PDZRN4: variants seen among roughly 807,000 people sequenced by gnomAD.
The protein encoded by PDZRN4 is PDZ domain containing ring finger 4.
PDZRN4 carries 70 observed loss-of-function variants against 99.0 expected under a neutral mutation model. That is an observed-to-expected ratio of 0.71 (90% confidence interval 0.58 to 0.86). PDZRN4 has a LOEUF of 0.86. Ranked by LOEUF, PDZRN4 falls within the 40% of genes least tolerant of loss-of-function variation. PDZRN4 has a pLI of 0.00. For missense variants in PDZRN4, 1,474 were observed against 1,331.2 expected, an observed-to-expected ratio of 1.11 and a Z score of -1.67; for synonymous variants, 551 against 501.6, an observed-to-expected ratio of 1.10 and a Z score of -1.32.
At chr12:41,316,528 T>A (rs1160202927) in intron 3 of PDZRN4, among the ~76,000 whole-genome samples, 1 of 151,244 alleles carries the variant, frequency 6.6e-6, no homozygotes, top group Non-Finnish European at 1.5e-5. Context: ...GGACAATGAA[T>A]TTCCTACAAG....
chr12:41,188,741 G>A lies in PDZRN4; in HGVS notation c.286G>A (p.Glu96Lys), dbSNP rs1283658783. 2 of 1,515,070 alleles carry A rather than the reference G, an allele frequency of 1.3e-6. No homozygotes were observed. The highest frequency in any genetic ancestry group is 1.8e-6 in the Non-Finnish European group (2 of 1,141,594). The allele number at this position is 1,515,070 out of a possible 1,614,324, so 93.9% of individuals were successfully genotyped here. Reference sequence around the variant, plus strand: ...CTGCGGCCACTCGGTCAGGCTGCACGAGCTGGAGGCGCACGTCGAGCACTG... The same window carrying A: ...CTGCGGCCACTCGGTCAGGCTGCACAAGCTGGAGGCGCACGTCGAGCACTG... ...RGCGHSVRLH[E>K]LEAHVEHCDF... Residue 96 changes from glutamate to lysine, a missense_variant, in exon 1 of 10, where the codon GAG becomes AAG. Transcript: ENST00000402685.
intron 3 of PDZRN4, among the ~76,000 whole-genome samples, chr12:41,302,950 ACACACACACACACT>A (rs1951546039): frequency 7.7e-6 from 1 of 130,152 alleles, no homozygotes; most frequent in Non-Finnish European, 1.8e-5. Flanking sequence ...ACACACACAC[ACACACACACACACT>A]CACACACACA....
intron 3 of PDZRN4, among the ~76,000 whole-genome samples, chr12:41,454,502 C>T (rs188829637): frequency 9.9e-4 from 150 of 152,270 alleles, no homozygotes; most frequent in African/African-American, 3.5e-3. Flanking sequence ...AGACTAGTTA[C>T]TTTGGTCTGT....
intron 8 of PDZRN4, among the ~76,000 whole-genome samples, chr12:41,564,394 T>A (rs1396171405): frequency 6.6e-6 from 1 of 152,188 alleles, no homozygotes; most frequent in Non-Finnish European, 1.5e-5. Flanking sequence ...ATATCCTTTT[T>A]ATCTCCCATC....
intron 3 of PDZRN4, among the ~76,000 whole-genome samples, chr12:41,263,855 A>G (rs937783824): frequency 6.6e-6 from 1 of 152,196 alleles, no homozygotes; most frequent in African/African-American, 2.4e-5. Context: ...ACCTTAAAAT[A>G]CAAGAAGGAG....
chr12:41,351,844 T>C (rs1951892238), intron 3 of PDZRN4, among the ~76,000 whole-genome samples: 1 of 151,872 alleles, frequency 6.6e-6, no homozygotes, highest in Non-Finnish European at 1.5e-5. Context: ...GAAGTATTTT[T>C]AAAAATCTCA....
chr12:41,229,610 C>T (rs1488197242), intron 3 of PDZRN4, among the ~76,000 whole-genome samples: 1 of 152,056 alleles, frequency 6.6e-6, no homozygotes, highest in African/African-American at 2.4e-5. Context: ...TATCTGCTTT[C>T]CTTGAGTTTC....
intron 3 of PDZRN4, among the ~76,000 whole-genome samples, chr12:41,419,767 T>A (rs1315641292): frequency 6.6e-6 from 1 of 152,158 alleles, no homozygotes; most frequent in African/African-American, 2.4e-5. Flanking sequence ...TCGGTTCAAA[T>A]TGTAATTTTA....
chr12:41,247,514 G>T (rs543597209), intron 3 of PDZRN4, among the ~76,000 whole-genome samples: 1 of 152,126 alleles, frequency 6.6e-6, no homozygotes, highest in African/African-American at 2.4e-5. Context: ...AATGTTTTAT[G>T]TGATGAACAA....
At position 41,360,562 on chromosome 12, in the gene PDZRN4, G is replaced by A. The variant is rs187561581; in HGVS notation, c.844-145894G>A. On this transcript the variant is annotated intron_variant, in intron 3 of 9. Coordinates refer to ENST00000402685, the MANE Select transcript of PDZRN4 (RefSeq NM_001164595.2). ...AGGCAGAAACCTACTGGTTTAGAATGACCACAACCTATGCTATAGAAATTA... is the reference window on the plus strand; with the variant it reads ...AGGCAGAAACCTACTGGTTTAGAATAACCACAACCTATGCTATAGAAATTA... Among the ~76,000 whole-genome samples the A allele has an allele frequency of 4.1e-3, 621 of 152,038 alleles. 2 individuals are homozygous for A. Among genetic ancestry groups the A allele is most frequent in the Non-Finnish European group, 6.6e-3 (450 of 67,932 alleles).
chr12:41,503,350 T>A (rs1938143302), intron 3 of PDZRN4, among the ~76,000 whole-genome samples: 1 of 152,090 alleles, frequency 6.6e-6, no homozygotes. Context: ...ATTTGATTGT[T>A]CTTAGAGAAA....
intron 3 of PDZRN4, among the ~76,000 whole-genome samples, chr12:41,433,461 C>T (rs1380934338): frequency 6.6e-6 from 1 of 152,156 alleles, no homozygotes; most frequent in Non-Finnish European, 1.5e-5. Flanking sequence ...TGTTAGGCAG[C>T]TACGTGTCTA....
At chr12:41,453,935 A>G in intron 3 of PDZRN4, among the ~76,000 whole-genome samples, 1 of 45,822 alleles carries the variant, frequency 2.2e-5, no homozygotes, top group South Asian at 6.9e-4. Context: ...GAAATGTTTG[A>G]TCTTTATAAG....
chr12:41,322,640 A>C (rs564223852), intron 3 of PDZRN4, among the ~76,000 whole-genome samples: 12 of 150,720 alleles, frequency 8.0e-5, no homozygotes, highest in African/African-American at 2.9e-4. Context: ...ACAGGTGCCC[A>C]CCACCACGCC....
chr12:41,488,370 G>A (rs1223620718), intron 3 of PDZRN4, among the ~76,000 whole-genome samples: 1 of 152,094 alleles, frequency 6.6e-6, no homozygotes, highest in Non-Finnish European at 1.5e-5. Flanking sequence ...AGAAGGATTT[G>A]GAAAACTTAA....
At chr12:41,537,691 C>G (rs1021952334) in intron 5 of PDZRN4, among the ~76,000 whole-genome samples, 1 of 151,986 alleles carries the variant, frequency 6.6e-6, no homozygotes, top group Non-Finnish European at 1.5e-5. Context: ...CAGTAATGTA[C>G]CAGGTGAATT....
intron 3 of PDZRN4, among the ~76,000 whole-genome samples, chr12:41,444,112 A>C (rs1217214885): frequency 6.6e-6 from 1 of 152,098 alleles, no homozygotes; most frequent in Non-Finnish European, 1.5e-5. Flanking sequence ...ATTGCATTAG[A>C]GTGTGTAATA....
At chr12:41,335,857 A>T (rs545619302) in intron 3 of PDZRN4, among the ~76,000 whole-genome samples, 5 of 152,154 alleles carry the variant, frequency 3.3e-5, no homozygotes, top group Non-Finnish European at 7.4e-5. Context: ...ATTTTGTGTC[A>T]TATTTTATGC....
chr12:41,531,397 C>G (rs1288188136), intron 5 of PDZRN4, among the ~76,000 whole-genome samples: 1 of 152,140 alleles, frequency 6.6e-6, no homozygotes, highest in Non-Finnish European at 1.5e-5. Context: ...AGTCCAGCTG[C>G]TTGTGTGTTC....
Sources: allele counts gnomAD v4.1 joint callset (sites outside exome capture counted in the v4.1 genomes callset), GRCh38; gene constraint gnomAD v4.1.1; transcripts MANE v1.5; gene names NCBI Gene and HGNC (gene_info 2026-07-23, HGNC 2026-07-21).